NPAS3: variants seen among roughly 807,000 people sequenced by gnomAD.
NPAS3 encodes neuronal PAS domain protein 3.
In NPAS3, 14 loss-of-function variants were observed where a neutral mutation model predicts 73.1. That is an observed-to-expected ratio of 0.19 (90% CI 0.13 to 0.30). NPAS3 has a LOEUF of 0.30. NPAS3 is among the 10% of genes least tolerant of loss of function. The pLI is 1.00. For synonymous variants in NPAS3, 620 were observed against 541.5 expected (o/e 1.14, Z -2.01); for missense variants, 1,096 against 1,250.0 (o/e 0.88, Z 1.86).
At chr14:33,518,912 A>G (rs1417326514) in intron 4 of NPAS3, among the ~76,000 whole-genome samples, 3 of 152,174 alleles carry the variant, frequency 2.0e-5, no homozygotes, top group African/African-American at 7.2e-5. Flanking sequence ...TCTAGCCAAT[A>G]GTAGACTCTT....
At chr14:33,775,878 C>T (rs570796229) in intron 8 of NPAS3, among the ~76,000 whole-genome samples, 3 of 152,280 alleles carry the variant, frequency 2.0e-5, no homozygotes, top group East Asian at 1.9e-4. Flanking sequence ...ACACATGGGG[C>T]GTGTGCAAAG....
chr14:33,389,321 G>A (rs911546874), intron 4 of NPAS3, among the ~76,000 whole-genome samples: 19 of 152,306 alleles, frequency 1.2e-4, no homozygotes, highest in Non-Finnish European at 2.2e-4. Context: ...TAATGACAAA[G>A]TCATTTCTTT....
chr14:33,459,091 T>G (rs543810096), intron 4 of NPAS3, among the ~76,000 whole-genome samples: 2 of 152,320 alleles, frequency 1.3e-5, no homozygotes, highest in East Asian at 3.9e-4. Flanking sequence ...CTTCCTGACG[T>G]TGCCATGGCA....
chr14:33,416,397 G>A (rs1334288955), intron 4 of NPAS3, among the ~76,000 whole-genome samples: 5 of 151,946 alleles, frequency 3.3e-5, no homozygotes, highest in African/African-American at 1.2e-4. Flanking sequence ...AATCCTAAAC[G>A]ATAACACTAC....
intron 4 of NPAS3, among the ~76,000 whole-genome samples, chr14:33,385,369 G>A (rs1242622843): frequency 1.3e-5 from 2 of 152,116 alleles, no homozygotes; most frequent in Non-Finnish European, 2.9e-5. Context: ...TTCCCTGTTG[G>A]AAACTTAGTG....
At chr14:33,206,362 G>A (rs949404158) in intron 2 of NPAS3, among the ~76,000 whole-genome samples, 16 of 152,214 alleles carry the variant, frequency 1.1e-4, no homozygotes, top group African/African-American at 3.4e-4. Flanking sequence ...CAAGGATCCT[G>A]GTTTGCCCAG....
intron 3 of NPAS3, among the ~76,000 whole-genome samples, chr14:33,221,888 G>A (rs1566693135): frequency 6.6e-6 from 1 of 151,992 alleles, no homozygotes; most frequent in Non-Finnish European, 1.5e-5. Context: ...CAAGGGTCAT[G>A]GCTGAAACTT....
At chr14:33,797,661 C>T in intron 11 of NPAS3, 80 bp downstream of exon 11, 1 of 1,425,982 alleles carries the variant, frequency 7.0e-7, no homozygotes, top group Non-Finnish European at 9.7e-7. Context: ...AGAGGGCCAT[C>T]ATCAGAGGCA....
At chr14:33,801,063 G>A (rs1396779792) in exon 12 of NPAS3, 1 of 1,594,806 alleles carries the variant, frequency 6.3e-7, no homozygotes, top group Non-Finnish European at 8.5e-7. Context: ...CCCGTCTACA[G>A]CAACGGCATC....
intron 2 of NPAS3, among the ~76,000 whole-genome samples, chr14:33,211,570 A>G (rs140692692): frequency 0.01 from 1,593 of 152,292 alleles, 13 homozygotes; most frequent in Middle Eastern, 0.017. Flanking sequence ...TCCCAAAATG[A>G]CAGACATTAG....
intron 4 of NPAS3, among the ~76,000 whole-genome samples, chr14:33,379,140 G>T (rs190984216): frequency 7.8e-4 from 118 of 152,026 alleles, no homozygotes; most frequent in Non-Finnish European, 1.4e-3. Context: ...TGAATTTTAT[G>T]TTTAGACTTG....
At chr14:33,454,908 C>A (rs2049959596) in intron 4 of NPAS3, among the ~76,000 whole-genome samples, 1 of 152,096 alleles carries the variant, frequency 6.6e-6, no homozygotes, top group Admixed American at 6.6e-5. Flanking sequence ...GGCAGCGTGC[C>A]CCCGGCTGAG....
chr14:33,728,296 C>A (rs2061322446), intron 6 of NPAS3, among the ~76,000 whole-genome samples: 1 of 152,116 alleles, frequency 6.6e-6, no homozygotes, highest in African/African-American at 2.4e-5. Flanking sequence ...CTATTATTTT[C>A]ATATTTTAGG....
intron 3 of NPAS3, among the ~76,000 whole-genome samples, chr14:33,258,636 G>A (rs530806656): frequency 6.6e-6 from 1 of 152,280 alleles, no homozygotes; most frequent in South Asian, 2.1e-4. Flanking sequence ...CTTTGATGTT[G>A]TGAGTATTCA....
chr14:33,424,436 T>C (rs1311217391), intron 4 of NPAS3, among the ~76,000 whole-genome samples: 1 of 151,816 alleles, frequency 6.6e-6, no homozygotes, highest in African/African-American at 2.4e-5. Context: ...CGCAACTACT[T>C]TAACTATAGT....
intron 5 of NPAS3, among the ~76,000 whole-genome samples, chr14:33,595,473 A>G (rs929218340): frequency 1.3e-5 from 2 of 152,192 alleles, no homozygotes; most frequent in Non-Finnish European, 2.9e-5. Context: ...TTTGTTTTGA[A>G]TGCTGAAATA....
intron 2 of NPAS3, among the ~76,000 whole-genome samples, chr14:33,151,184 A>C (rs962501024): frequency 6.6e-6 from 1 of 152,350 alleles, no homozygotes; most frequent in Non-Finnish European, 1.5e-5. Flanking sequence ...TCCTTGGAGC[A>C]TATCCTTGCA....
intron 5 of NPAS3, among the ~76,000 whole-genome samples, chr14:33,667,143 T>C (rs1034128790): frequency 1.3e-5 from 2 of 152,268 alleles, no homozygotes; most frequent in Admixed American, 1.3e-4. Flanking sequence ...CTTTATATTT[T>C]TGTACAAAGT....
chr14:33,417,368 T>C (rs1217241704), intron 4 of NPAS3, among the ~76,000 whole-genome samples: 1 of 152,026 alleles, frequency 6.6e-6, no homozygotes, highest in East Asian at 1.9e-4. Flanking sequence ...TGCAATGTTA[T>C]AACAGCCTGA....
Sources: allele counts gnomAD v4.1 joint callset (sites outside exome capture counted in the v4.1 genomes callset), GRCh38; gene constraint gnomAD v4.1.1; transcripts MANE v1.5; gene names NCBI Gene and HGNC (gene_info 2026-07-23, HGNC 2026-07-21).